ETV6: variants seen among roughly 807,000 people sequenced by gnomAD.
ETV6 encodes the protein transcription factor ETV6.
Under a neutral mutation model 51.1 loss-of-function variants are expected in ETV6, and 16 were observed. The ratio of observed to expected loss-of-function variants is 0.31; its 90% CI spans 0.21 to 0.48. The LOEUF is 0.48. ETV6 is among the 20% of genes least tolerant of loss of function. The pLI, the probability that ETV6 is intolerant of heterozygous loss-of-function variation, is 0.99. For missense variants in ETV6, 458 were observed against 594.8 expected (o/e 0.77, Z 2.39); for synonymous variants, 240 against 224.1 (o/e 1.07, Z -0.64).
At position 11,891,592 on chromosome 12, in the gene ETV6, T is replaced by G. The variant is rs1370114920; in HGVS notation, c.*546T>G. On this transcript the variant is annotated 3_prime_UTR_variant, in exon 8 of 8. Transcript: ENST00000396373. ...CAGGTCTGTTCCTGTTACTGTTGGGTCTTGGCTGAAAAAAAAAAATGCTTT... is the reference window on the plus strand; with the variant it reads ...CAGGTCTGTTCCTGTTACTGTTGGGGCTTGGCTGAAAAAAAAAAATGCTTT... The G allele has an allele frequency of 1.9e-6, 1 of 531,704 alleles. No homozygotes were observed. Among genetic ancestry groups the G allele is most frequent in the Non-Finnish European group, 3.6e-6 (1 of 274,978 alleles). The allele number at this position is 531,704 out of a possible 1,614,324, so 32.9% of individuals were successfully genotyped here.
At chr12:11,700,120 C>T (rs1479315505) in intron 1 of ETV6, among the ~76,000 whole-genome samples, 4 of 152,140 alleles carry the variant, frequency 2.6e-5, no homozygotes, top group Admixed American at 2.6e-4. Flanking sequence ...ATTGGAGGTA[C>T]ACACTGTGTA....
Position 11,891,111 on chromosome 12 carries a change from G to A in ETV6, c.*65G>A. On this transcript the variant is annotated 3_prime_UTR_variant, in exon 8 of 8. Coordinates refer to ENST00000396373, the MANE Select transcript of ETV6 (RefSeq NM_001987.5). ...GAACCCCTGCCCACCAGGATTGCTG[G>A]AAGTGTGACGGAGCAGGCGGGCTGA... 7.6e-7 allele frequency: 1 copy of A among 1,309,338 alleles called. No individual in the cohort carries two copies. Among genetic ancestry groups the A allele is most frequent in the South Asian group, 1.2e-5 (1 of 84,274 alleles). 81.1% of individuals were successfully genotyped at this position (1,309,338 alleles called of 1,614,324 possible). A position where few individuals can be genotyped will look rare whatever the true frequency, so the allele number is the denominator to read the frequency against.
chr12:11,748,157 G>A (rs546947264), intron 1 of ETV6, among the ~76,000 whole-genome samples: 2 of 152,342 alleles, frequency 1.3e-5, no homozygotes, highest in Admixed American at 1.3e-4. Context: ...GGACACCGAA[G>A]TGCAATGGGA....
At position 11,741,328 on chromosome 12, in the gene ETV6, C is replaced by T. The variant is rs191832504; in HGVS notation, c.34-11122C>T. On this transcript the variant is annotated intron_variant, in intron 1 of 7. Coordinates refer to ENST00000396373, the MANE Select transcript of ETV6 (RefSeq NM_001987.5). ...AGTGGTTCCCCAATCTCCAATCTCT[C>T]CATTCTCCAGCATGAGAAAGTGGTC... Among the ~76,000 whole-genome samples the T allele has an allele frequency of 2.7e-4, 41 of 152,320 alleles. 1 individual carries two copies. Among genetic ancestry groups the T allele is most frequent in the Admixed American group, 2.5e-3 (38 of 15,306 alleles).
chr12:11,782,312 C>T (rs1216618905), intron 2 of ETV6, among the ~76,000 whole-genome samples: 1 of 151,900 alleles, frequency 6.6e-6, no homozygotes, highest in Non-Finnish European at 1.5e-5. Flanking sequence ...GGTAGTTTAA[C>T]AGTTTGTTAA....
chr12:11,716,127 G>A (rs574261076), intron 1 of ETV6, among the ~76,000 whole-genome samples: 1 of 152,118 alleles, frequency 6.6e-6, no homozygotes, highest in African/African-American at 2.4e-5. Context: ...TTGGGAGGCC[G>A]AGGCGGGTGG....
At chr12:11,760,386 G>A (rs958262441) in intron 2 of ETV6, among the ~76,000 whole-genome samples, 6 of 152,176 alleles carry the variant, frequency 3.9e-5, no homozygotes, top group African/African-American at 9.7e-5. Flanking sequence ...GGTGGATGAC[G>A]ATTGGATACC....
chr12:11,760,867 T>C (rs1945074088), intron 2 of ETV6, among the ~76,000 whole-genome samples: 1 of 128,602 alleles, frequency 7.8e-6, no homozygotes. Context: ...ATCACTACTA[T>C]TATTATATAT....
At chr12:11,729,995 A>G (rs1266711219) in intron 1 of ETV6, among the ~76,000 whole-genome samples, 10 of 152,308 alleles carry the variant, frequency 6.6e-5, no homozygotes. Context: ...AGGGGAGTTC[A>G]TGACCATCTA....
At chr12:11,759,270 G>A (rs147576412) in intron 2 of ETV6, among the ~76,000 whole-genome samples, 139 of 151,908 alleles carry the variant, frequency 9.2e-4, no homozygotes, top group Non-Finnish European at 1.7e-3. Flanking sequence ...TTCCTCCAGC[G>A]TCAGCTCTGA....
intron 4 of ETV6, among the ~76,000 whole-genome samples, chr12:11,860,278 A>G (rs1256723334): frequency 6.6e-6 from 1 of 152,188 alleles, no homozygotes; most frequent in African/African-American, 2.4e-5. Flanking sequence ...CTGCAGGGTC[A>G]AGGAGGCTGT....
chr12:11,819,228 G>A (rs1946040650), intron 2 of ETV6, among the ~76,000 whole-genome samples: 1 of 152,102 alleles, frequency 6.6e-6, no homozygotes. Context: ...TACGCCTGCT[G>A]CCCCTCTGCC....
intron 1 of ETV6, among the ~76,000 whole-genome samples, chr12:11,705,170 A>T (rs1865051533): frequency 1.3e-5 from 2 of 152,224 alleles, no homozygotes; most frequent in Admixed American, 1.3e-4. Flanking sequence ...TTGTTGCATT[A>T]CGTAATAGTG....
At chr12:11,753,012 G>A (rs972211243) in intron 2 of ETV6, 5 of 153,112 alleles carry the variant, frequency 3.3e-5, no homozygotes, top group South Asian at 2.1e-4. Context: ...CTGTGCGCTC[G>A]TCCTTTCTTT....
At chr12:11,689,600 A>G (rs936094815) in intron 1 of ETV6, among the ~76,000 whole-genome samples, 2 of 139,320 alleles carry the variant, frequency 1.4e-5, no homozygotes, top group Non-Finnish European at 3.2e-5. Context: ...TCCAACATTT[A>G]ACTCCCTAGC....
intron 2 of ETV6, among the ~76,000 whole-genome samples, chr12:11,812,442 T>A (rs756387963): frequency 1.3e-5 from 2 of 152,158 alleles, no homozygotes; most frequent in Non-Finnish European, 2.9e-5. Context: ...TAAAACCCCT[T>A]TAGCTCACTC....
chr12:11,777,592 C>G (rs1410306007), intron 2 of ETV6, among the ~76,000 whole-genome samples: 8 of 152,066 alleles, frequency 5.3e-5, no homozygotes, highest in Non-Finnish European at 1.2e-4. Context: ...ATTGTCCCCT[C>G]CCCACCTGCG....
intron 3 of ETV6, among the ~76,000 whole-genome samples, chr12:11,843,073 C>T (rs1031576875): frequency 2.6e-5 from 4 of 152,236 alleles, no homozygotes; most frequent in East Asian, 1.9e-4. Flanking sequence ...TAAATTTATA[C>T]GGAAGGTAAT....
chr12:11,883,535 T>G (rs1007465868), intron 5 of ETV6, among the ~76,000 whole-genome samples: 2 of 151,976 alleles, frequency 1.3e-5, no homozygotes, highest in African/African-American at 4.8e-5. Context: ...CCTCAAGTGA[T>G]CCACCTGCCT....
Sources: allele counts gnomAD v4.1 joint callset (sites outside exome capture counted in the v4.1 genomes callset), GRCh38; gene constraint gnomAD v4.1.1; transcripts MANE v1.5; gene names NCBI Gene and HGNC (gene_info 2026-07-23, HGNC 2026-07-21).